TACC2: variants seen among roughly 807,000 people sequenced by gnomAD.
TACC2 encodes transforming acidic coiled-coil-containing protein 2.
In TACC2, 137 loss-of-function variants were observed where a neutral mutation model predicts 227.3. The ratio of observed to expected loss-of-function variants is 0.60; its 90% confidence interval spans 0.52 to 0.69. The LOEUF (loss-of-function observed/expected upper bound fraction) is 0.69, where lower values mean the gene tolerates loss of function less well. TACC2 is among the 30% of genes least tolerant of loss of function. TACC2 has a pLI of 0.00. For missense variants in TACC2, 3,470 were observed against 3,694.4 expected, an observed-to-expected ratio of 0.94 and a Z score of 1.57; for synonymous variants, 1,523 against 1,487.5, an observed-to-expected ratio of 1.02 and a Z score of -0.55.
At chr10:122,170,662 G>A (rs1453717487) in intron 7 of TACC2, among the ~76,000 whole-genome samples, 2 of 152,130 alleles carry the variant, frequency 1.3e-5, no homozygotes, top group African/African-American at 4.8e-5. Context: ...AACGGTCCAT[G>A]TCATTGGACT....
chr10:122,208,675 T>C (rs2095206215), intron 8 of TACC2, among the ~76,000 whole-genome samples: 1 of 152,234 alleles, frequency 6.6e-6, no homozygotes, highest in African/African-American at 2.4e-5. Flanking sequence ...TTCATTTATC[T>C]GAAATTCAAA....
intron 15 of TACC2, among the ~76,000 whole-genome samples, chr10:122,229,693 C>A (rs1253382419): frequency 6.6e-6 from 1 of 152,170 alleles, no homozygotes; most frequent in Admixed American, 6.5e-5. Flanking sequence ...ACATATTGAA[C>A]AAACCATTTC....
At chr10:122,040,680 T>TA (rs77586160) in intron 2 of TACC2, among the ~76,000 whole-genome samples, 65,473 of 151,992 alleles carry the variant, frequency 0.43, 14,531 homozygotes, top group Admixed American at 0.53. Context: ...TGATCTCACT[T>TA]AAAACATATC....
intron 7 of TACC2, chr10:122,164,067 T>G: frequency 6.6e-7 from 1 of 1,520,666 alleles, no homozygotes; most frequent in Non-Finnish European, 8.9e-7. Flanking sequence ...TAGTGTCGCC[T>G]TTCCTAATGC....
chr10:122,128,362 C>T (rs1235409820), intron 5 of TACC2, among the ~76,000 whole-genome samples: 1 of 152,196 alleles, frequency 6.6e-6, no homozygotes. Context: ...TCAAGATCCT[C>T]TGTCTCAAAA....
Position 122,209,372 on chromosome 10 carries a change from C to T in TACC2, c.5972-1025C>T, listed in dbSNP as rs1593367761. Among the ~76,000 whole-genome samples, 1 of 152,178 alleles carries T rather than the reference C, an allele frequency of 6.6e-6. No homozygotes were observed. Among genetic ancestry groups the T allele is most frequent in the East Asian group, 1.9e-4 (1 of 5,184 alleles). ...GGCTAGTATGAATATTTATGGAAGCCTCCGTATGCCTTCCTGCAGGATTTC... is the reference window on the plus strand; with the variant it reads ...GGCTAGTATGAATATTTATGGAAGCTTCCGTATGCCTTCCTGCAGGATTTC... On this transcript the variant is annotated intron_variant, in intron 8 of 22. Coordinates refer to ENST00000369005, the MANE Select transcript of TACC2 (RefSeq NM_206862.4). The surrounding 1 kb of genome is among the most constrained non-coding windows in gnomAD (Gnocchi z 4.5).
At chr10:122,215,294 T>C (rs2095378676) in intron 9 of TACC2, 97 bp from the exon 10 acceptor site, 1 of 1,112,186 alleles carries the variant, frequency 9.0e-7, no homozygotes, top group South Asian at 1.3e-5. Context: ...CTGGGCCAGA[T>C]GGCTCCGCAG....
At chr10:122,175,645 G>A (rs1245078355) in intron 7 of TACC2, among the ~76,000 whole-genome samples, 2 of 152,250 alleles carry the variant, frequency 1.3e-5, no homozygotes, top group East Asian at 3.8e-4. Context: ...CCTGTGAGAG[G>A]AAAGGAACCG....
intron 5 of TACC2, among the ~76,000 whole-genome samples, chr10:122,100,953 A>C (rs1331614741): frequency 6.6e-6 from 1 of 152,136 alleles, no homozygotes; most frequent in Admixed American, 6.5e-5. Context: ...CAAGAGGCTC[A>C]GACAAACGTT....
intron 5 of TACC2, among the ~76,000 whole-genome samples, chr10:122,119,086 A>G (rs749100630): frequency 3.9e-5 from 6 of 152,298 alleles, no homozygotes; most frequent in Non-Finnish European, 8.8e-5. Context: ...GAACTTACTC[A>G]TCTTGCCAAT....
chr10:122,223,394 C>G (rs12770816), intron 11 of TACC2, among the ~76,000 whole-genome samples: 47,581 of 151,974 alleles, frequency 0.31, 8,416 homozygotes, highest in Middle Eastern at 0.5. Context: ...ATGCTTCTGT[C>G]TTAAGTTGGG....
chr10:122,253,843 C>T, intron 22 of TACC2, 148 bp from the exon 23 acceptor site: 2 of 647,610 alleles, frequency 3.1e-6, no homozygotes, highest in Middle Eastern at 2.5e-4. Flanking sequence ...GATATATACT[C>T]AGATTGTTTG....
chr10:122,167,825 C>T (rs912051001), intron 7 of TACC2, among the ~76,000 whole-genome samples: 1 of 152,206 alleles, frequency 6.6e-6, no homozygotes, highest in Non-Finnish European at 1.5e-5. Context: ...CTCAGAAGGC[C>T]AGAAACGGTC....
chr10:122,042,834 G>C (rs1289413790), intron 2 of TACC2, among the ~76,000 whole-genome samples: 1 of 152,194 alleles, frequency 6.6e-6, no homozygotes, highest in Non-Finnish European at 1.5e-5. Flanking sequence ...CTTAAACCAT[G>C]CTGCTGTAGC....
At chr10:122,049,427 C>G (rs2075424412) in intron 2 of TACC2, among the ~76,000 whole-genome samples, 1 of 152,184 alleles carries the variant, frequency 6.6e-6, no homozygotes, top group Non-Finnish European at 1.5e-5. Flanking sequence ...CGTAGAAGGT[C>G]CTGGCTTGAC....
Position 122,208,460 on chromosome 10 carries a change from G to A in TACC2, c.5972-1937G>A, listed in dbSNP as rs142251794. 3.6e-3 allele frequency among the ~76,000 whole-genome samples: 541 copies of A among 152,280 alleles called. 1 individual carries two copies. Among genetic ancestry groups the A allele is most frequent in the Non-Finnish European group, 5.9e-3 (401 of 68,026 alleles). On this transcript the variant is annotated intron_variant, in intron 8 of 22. Coordinates refer to ENST00000369005, the MANE Select transcript of TACC2 (RefSeq NM_206862.4). Reference sequence around the variant, plus strand: ...ACTCACTGCCCAGAGATTTGCAGTCGGGAGCATGAATTGCTCTGAGAAAAT... The same window carrying A: ...ACTCACTGCCCAGAGATTTGCAGTCAGGAGCATGAATTGCTCTGAGAAAAT...
Position 122,142,279 on chromosome 10 carries a change from C to A in TACC2, c.5700-1293C>A, listed in dbSNP as rs113189862. The stretch of plus-strand genomic sequence containing the variant: ...ACACTTGGTTGCAGCCAGTTGGACA[C>A]TTGGCGGTATCCCCTCTGCCTGCTG... On this transcript the variant is annotated intron_variant, in intron 6 of 22. Transcript: ENST00000369005. 6.5e-3 allele frequency among the ~76,000 whole-genome samples: 994 copies of A among 152,368 alleles called. 11 individuals carry two copies. Among genetic ancestry groups the A allele is most frequent in the African/African-American group, 0.022 (924 of 41,578 alleles).
intron 7 of TACC2, among the ~76,000 whole-genome samples, chr10:122,173,172 T>A (rs543435148): frequency 2.0e-5 from 3 of 152,266 alleles, no homozygotes; most frequent in African/African-American, 7.2e-5. Context: ...AAATGTGCCC[T>A]CCTCACCCCA....
At chr10:122,227,091 G>A (rs146246269) in intron 13 of TACC2, among the ~76,000 whole-genome samples, 23 of 152,304 alleles carry the variant, frequency 1.5e-4, no homozygotes, top group East Asian at 3.9e-4. Flanking sequence ...CTTCCAGAGC[G>A]TCCCCGAGCT....
Sources: allele counts gnomAD v4.1 joint callset (sites outside exome capture counted in the v4.1 genomes callset), GRCh38; gene constraint gnomAD v4.1.1; non-coding constraint Gnocchi (gnomAD v3.1); transcripts MANE v1.5; gene names NCBI Gene and HGNC (gene_info 2026-07-23, HGNC 2026-07-21).